Variants in TRPM3 observed in about 807,000 individuals in gnomAD.
The protein encoded by TRPM3 is transient receptor potential cation channel subfamily M member 3, also known as long transient receptor potential channel 3.
Under a neutral mutation model 181.2 loss-of-function variants are expected in TRPM3, and 77 were observed. That is an observed-to-expected ratio of 0.42 (90% CI 0.35 to 0.51). The LOEUF (loss-of-function observed/expected upper bound fraction) is 0.51, where lower values mean the gene tolerates loss of function less well. Ranked by LOEUF, TRPM3 falls within the 20% of genes least tolerant of loss-of-function variation. The pLI, the probability that TRPM3 is intolerant of heterozygous loss-of-function variation, is 0.01. For missense variants in TRPM3, 1,759 were observed against 2,196.7 expected, an observed-to-expected ratio of 0.80 and a Z score of 3.98; for synonymous variants, 745 against 796.4, an observed-to-expected ratio of 0.94 and a Z score of 1.09.
chr9:71,011,730 G>A (rs1477647151), intron 1 of TRPM3, among the ~76,000 whole-genome samples: 2 of 149,678 alleles, frequency 1.3e-5, no homozygotes, highest in South Asian at 2.1e-4. Flanking sequence ...ATAATAAAAA[G>A]GCTTTACCCA....
rs2057803250 is a variant in TRPM3, at chr9:70,589,795, T to C, written c.3223+1236A>G. Among the ~76,000 whole-genome samples, 3 of 152,294 alleles carry C rather than the reference T, an allele frequency of 2.0e-5. No homozygotes were observed. In the South Asian group the frequency reaches 6.2e-4, roughly 32 times the overall value. On this transcript the variant is annotated intron_variant, in intron 22 of 25. Transcript: ENST00000677713. ...ACGCATTTTGAGAAGGAAAGTGTGT[T>C]TGTTCAAAATCCATCGTGGAAGAAT...
At chr9:71,135,296 A>T (rs747355986) in intron 1 of TRPM3, among the ~76,000 whole-genome samples, 2 of 151,984 alleles carry the variant, frequency 1.3e-5, no homozygotes, top group African/African-American at 2.4e-5. Flanking sequence ...TGTTGGGGGG[A>T]CAGAGAGAAG....
intron 1 of TRPM3, among the ~76,000 whole-genome samples, chr9:70,978,680 G>T (rs1411444037): frequency 6.6e-6 from 1 of 152,202 alleles, no homozygotes; most frequent in East Asian, 1.9e-4. Context: ...TGGTGTTAAT[G>T]TGCCGTCGGC....
At chr9:71,408,466 T>G (rs2093479393) in intron 1 of TRPM3, among the ~76,000 whole-genome samples, 1 of 152,146 alleles carries the variant, frequency 6.6e-6, no homozygotes, top group African/African-American at 2.4e-5. Context: ...TGCACAAGCT[T>G]CAGTAGCCGA....
chr9:71,393,356 T>A (rs1016936244), intron 1 of TRPM3, among the ~76,000 whole-genome samples: 5 of 152,126 alleles, frequency 3.3e-5, no homozygotes, highest in African/African-American at 7.2e-5. Flanking sequence ...TATTTTTGTG[T>A]CCCAGAACAG....
At chr9:70,883,489 C>T (rs1012210490) in intron 1 of TRPM3, among the ~76,000 whole-genome samples, 3 of 152,120 alleles carry the variant, frequency 2.0e-5, no homozygotes, top group African/African-American at 7.2e-5. Flanking sequence ...AACAGAAATG[C>T]TGTGTATAAG....
At chr9:71,150,792 A>G (rs2075693456) in intron 1 of TRPM3, among the ~76,000 whole-genome samples, 2 of 152,170 alleles carry the variant, frequency 1.3e-5, no homozygotes, top group Admixed American at 1.3e-4. Flanking sequence ...GTGCACAAAT[A>G]GAAAATTCTT....
chr9:70,783,220 A>G (rs12551530), intron 7 of TRPM3, among the ~76,000 whole-genome samples: 1,714 of 152,292 alleles, frequency 0.011, 73 homozygotes, highest in Admixed American at 0.082. Context: ...CACTTAATGT[A>G]TATTTATAAA....
intron 1 of TRPM3, among the ~76,000 whole-genome samples, chr9:71,316,154 A>G (rs1411113621): frequency 6.6e-6 from 1 of 152,208 alleles, no homozygotes; most frequent in Non-Finnish European, 1.5e-5. Context: ...GAATGAACAA[A>G]GAGGATTGCT....
chr9:71,076,395 A>G (rs1212355105), intron 1 of TRPM3, among the ~76,000 whole-genome samples: 1 of 152,184 alleles, frequency 6.6e-6, no homozygotes, highest in African/African-American at 2.4e-5. Context: ...CTAGGAAGAG[A>G]AAAGCTTTCC....
chr9:71,421,076 C>A (rs1329941840), intron 1 of TRPM3, among the ~76,000 whole-genome samples: 1 of 150,388 alleles, frequency 6.6e-6, no homozygotes, highest in African/African-American at 2.4e-5. Flanking sequence ...ATGGACACAG[C>A]TGGAGGCCAT....
chr9:71,020,259 A>C (rs1189174849), intron 1 of TRPM3, among the ~76,000 whole-genome samples: 1 of 151,990 alleles, frequency 6.6e-6, no homozygotes, highest in East Asian at 1.9e-4. Context: ...TTGAGCCCAG[A>C]AGTTCAAGAT....
At chr9:70,869,045 A>AT in intron 1 of TRPM3, 2 of 985,072 alleles carry the variant, frequency 2.0e-6, no homozygotes, top group Non-Finnish European at 1.2e-6. Flanking sequence ...TGTTGCTTTC[A>AT]TTTTGCTGCA....
intron 1 of TRPM3, among the ~76,000 whole-genome samples, chr9:71,028,525 CATAA>C (rs1402996174): frequency 6.6e-6 from 1 of 151,106 alleles, no homozygotes; most frequent in Non-Finnish European, 1.5e-5. Flanking sequence ...CAGCAAGTTA[CATAA>C]ATAACCAAAA....
At chr9:70,563,366 T>A (rs909036346) in intron 22 of TRPM3, among the ~76,000 whole-genome samples, 2 of 152,198 alleles carry the variant, frequency 1.3e-5, no homozygotes, top group Non-Finnish European at 2.9e-5. Flanking sequence ...TTTTCCTGTA[T>A]CATTTTTGTG....
Position 71,324,160 on chromosome 9 carries a change from TTAGA to T in TRPM3, c.183+122489_183+122492del, listed in dbSNP as rs373644665. On this transcript the variant is annotated intron_variant, in intron 1 of 24. Transcript: ENST00000357533. ...AGTTTCTAATCAATCTATAGATAGA[TTAGA>T]TAGATGGAGTATATGACTTTATTAA... Among the ~76,000 whole-genome samples the T allele has an allele frequency of 3.2e-3, 488 of 152,246 alleles. 4 individuals are homozygous for T. The highest frequency in any genetic ancestry group is 0.011 in the African/African-American group (460 of 41,556).
At chr9:70,815,897 T>A (rs568088526) in intron 6 of TRPM3, among the ~76,000 whole-genome samples, 32 of 152,320 alleles carry the variant, frequency 2.1e-4, no homozygotes, top group African/African-American at 7.7e-4. Flanking sequence ...AGGAAAAAGA[T>A]GTTAAGCCAG....
rs986079522 is a variant in TRPM3 at position 71,420,270 on chromosome 9, G to T, written c.183+26383C>A. On this transcript the variant is annotated intron_variant, in intron 1 of 24. Transcript: ENST00000357533. Reference sequence around the variant, plus strand: ...GACCAAAGGGAAATCTGAGGCTGGGGATGCTACATGGATTTTCTCTGTTGA... The same window carrying T: ...GACCAAAGGGAAATCTGAGGCTGGGTATGCTACATGGATTTTCTCTGTTGA... 3.9e-5 allele frequency among the ~76,000 whole-genome samples: 6 copies of T among 151,994 alleles called. 1 individual carries two copies. Among genetic ancestry groups the T allele is most frequent in the Admixed American group, 6.6e-5 (1 of 15,220 alleles).
chr9:70,952,385 A>G (rs2097013291), intron 1 of TRPM3, among the ~76,000 whole-genome samples: 1 of 152,160 alleles, frequency 6.6e-6, no homozygotes, highest in Non-Finnish European at 1.5e-5. Context: ...ATGTGACAAA[A>G]AGTTGTTCAT....
Sources: allele counts gnomAD v4.1 joint callset (sites outside exome capture counted in the v4.1 genomes callset), GRCh38; gene constraint gnomAD v4.1.1; transcripts MANE v1.5; gene names NCBI Gene and HGNC (gene_info 2026-07-23, HGNC 2026-07-21).